Variants in RIMKLB observed in about 807,000 individuals in gnomAD.
The protein encoded by RIMKLB is beta-citrylglutamate synthase B.
RIMKLB carries 7 observed loss-of-function variants against 32.0 expected under a neutral mutation model. The observed-to-expected ratio is 0.22, with a 90% CI of 0.12 to 0.41. RIMKLB has a LOEUF of 0.41. RIMKLB is among the 10% of genes least tolerant of loss of function. RIMKLB has a pLI of 1.00. For synonymous variants in RIMKLB, 172 were observed against 185.1 expected, an observed-to-expected ratio of 0.93 and a Z score of 0.57; for missense variants, 289 against 498.7, an observed-to-expected ratio of 0.58 and a Z score of 4.00.
chr12:8,708,928 A>C (rs182052343), intron 1 of RIMKLB, among the ~76,000 whole-genome samples: 9 of 152,336 alleles, frequency 5.9e-5, no homozygotes, highest in Admixed American at 1.3e-4. Context: ...TTTTGTCAGT[A>C]GTATTTATTC....
chr12:8,740,171 G>A (rs1478047036), intron 2 of RIMKLB, among the ~76,000 whole-genome samples: 1 of 152,184 alleles, frequency 6.6e-6, no homozygotes, highest in Non-Finnish European at 1.5e-5. Context: ...CTCCCAAAGT[G>A]CTGGGATTAT....
At chr12:8,708,762 A>G in intron 1 of RIMKLB, among the ~76,000 whole-genome samples, 1 of 152,232 alleles carries the variant, frequency 6.6e-6, no homozygotes, top group African/African-American at 2.4e-5. Context: ...CAGAAGATGA[A>G]TGAAGCACTT....
chr12:8,703,890 A>G (rs1022969814), intron 1 of RIMKLB, among the ~76,000 whole-genome samples: 1 of 152,210 alleles, frequency 6.6e-6, no homozygotes, highest in Non-Finnish European at 1.5e-5. Context: ...TCAGTATGTG[A>G]ATTTATTTTC....
At position 8,775,633 on chromosome 12, in the gene RIMKLB, G is replaced by A; in HGVS notation, c.*1849G>A. ...TATTAACCAGCTATAACAGAGGTTTGATCATGCTTACTTGTACAGTTTTTC... is the reference window on the plus strand; with the variant it reads ...TATTAACCAGCTATAACAGAGGTTTAATCATGCTTACTTGTACAGTTTTTC... On this transcript the variant is annotated 3_prime_UTR_variant, in exon 6 of 6. Coordinates refer to ENST00000535829, the MANE Select transcript of RIMKLB (RefSeq NM_001297776.2). 3.0e-6 allele frequency: 3 copies of A among 985,760 alleles called. No homozygotes were observed. Among genetic ancestry groups the A allele is most frequent in the Non-Finnish European group, 3.6e-6 (3 of 829,860 alleles). The allele number at this position is 985,760 out of a possible 1,614,324, so 61.1% of individuals were successfully genotyped here.
At chr12:8,715,347 T>C (rs1944737861) in intron 2 of RIMKLB, among the ~76,000 whole-genome samples, 1 of 151,268 alleles carries the variant, frequency 6.6e-6, no homozygotes, top group South Asian at 2.1e-4. Context: ...TGCCTCAGCC[T>C]CCTGAGTAGC....
At chr12:8,688,043 T>G (rs1942629631) in intron 1 of RIMKLB, among the ~76,000 whole-genome samples, 2 of 152,184 alleles carry the variant, frequency 1.3e-5, no homozygotes, top group South Asian at 4.1e-4. Flanking sequence ...ATGCACTGCC[T>G]GTGTATGCTG....
In RIMKLB at chr12:8,745,796, G is replaced by A. The variant is rs1008824207; in HGVS notation, c.176-4066G>A. 1.3e-4 allele frequency among the ~76,000 whole-genome samples: 20 copies of A among 149,960 alleles called. 1 individual carries two copies. The highest frequency in any genetic ancestry group is 6.7e-4 in the Admixed American group (10 of 14,988). On this transcript the variant is annotated intron_variant, in intron 2 of 5. Transcript: ENST00000535829. ...TGCAACCTCTGCCTCGTAGGTACAA[G>A]TGATTCTCCTGCCTCCGCCTCTCAA...
upstream of RIMKLB, among the ~76,000 whole-genome samples, chr12:8,678,407 C>T (rs1020556420): frequency 8.6e-5 from 13 of 151,676 alleles, no homozygotes; most frequent in East Asian, 3.9e-4. Flanking sequence ...CTTGGCTCAC[C>T]GCATCCTCCG....
At chr12:8,763,709 A>G (rs950590156) in intron 5 of RIMKLB, among the ~76,000 whole-genome samples, 3 of 152,234 alleles carry the variant, frequency 2.0e-5, no homozygotes, top group Non-Finnish European at 4.4e-5. Context: ...TTGATGACAC[A>G]AGGTTTCTGA....
At chr12:8,753,195 C>G (rs1565617510) in intron 4 of RIMKLB, among the ~76,000 whole-genome samples, 1 of 152,196 alleles carries the variant, frequency 6.6e-6, no homozygotes, top group Non-Finnish European at 1.5e-5. Context: ...AGCCAAGAGT[C>G]TCAGGCCTCC....
chr12:8,730,210 C>T (rs1004255834), intron 2 of RIMKLB, among the ~76,000 whole-genome samples: 3 of 152,182 alleles, frequency 2.0e-5, no homozygotes, highest in Non-Finnish European at 4.4e-5. Context: ...CTCAGCCTCC[C>T]AGGTAGCTGA....
chr12:8,777,695 T>TA, downstream of RIMKLB: 1 of 1,287,348 alleles, frequency 7.8e-7, no homozygotes, highest in Non-Finnish European at 1.0e-6. Flanking sequence ...TATTGAGAAC[T>TA]TTCGGGGTCA....
At chr12:8,773,181 A>T in intron 5 of RIMKLB, 140 bp from the exon 6 acceptor site, 1 of 627,686 alleles carries the variant, frequency 1.6e-6, no homozygotes, top group Non-Finnish European at 2.8e-6. Flanking sequence ...ATCTAGACTT[A>T]GAAGTCCTAA....
chr12:8,684,420 G>C (rs750005141), intron 1 of RIMKLB, among the ~76,000 whole-genome samples: 19 of 151,584 alleles, frequency 1.3e-4, no homozygotes, highest in African/African-American at 4.4e-4. Flanking sequence ...TGATCCACCC[G>C]CCCCCGCCTC....
At chr12:8,683,122 T>A (rs1207913983) in intron 1 of RIMKLB, among the ~76,000 whole-genome samples, 1 of 152,204 alleles carries the variant, frequency 6.6e-6, no homozygotes, top group Non-Finnish European at 1.5e-5. Context: ...TAATATCCCA[T>A]TGTCTGAATA....
intron 3 of RIMKLB, 150 bp downstream of exon 3, chr12:8,750,242 T>G: frequency 1.9e-6 from 1 of 533,894 alleles, no homozygotes; most frequent in Non-Finnish European, 3.3e-6. Context: ...TCTTAAGATT[T>G]GTTTCATATT....
downstream of RIMKLB, among the ~76,000 whole-genome samples, chr12:8,782,167 ATTG>A (rs1214230526): frequency 4.6e-5 from 7 of 151,904 alleles, no homozygotes; most frequent in Admixed American, 2.6e-4. Flanking sequence ...TGAATCAAAA[ATTG>A]TTTTTTTCTG....
At chr12:8,712,738 G>A (rs868853387) in intron 1 of RIMKLB, among the ~76,000 whole-genome samples, 25 of 152,328 alleles carry the variant, frequency 1.6e-4, no homozygotes, top group African/African-American at 5.8e-4. Flanking sequence ...GCACTGTGGA[G>A]CAGGCCCTTC....
chr12:8,698,321 C>A, intron 1 of RIMKLB, 24 bp downstream of exon 1: 1 of 306,830 alleles, frequency 3.3e-6, no homozygotes, highest in Non-Finnish European at 6.7e-6. Context: ...CCGCTGTTGC[C>A]CTCGGGTGTA....
Sources: allele counts gnomAD v4.1 joint callset (sites outside exome capture counted in the v4.1 genomes callset), GRCh38; gene constraint gnomAD v4.1.1; transcripts MANE v1.5; gene names NCBI Gene and HGNC (gene_info 2026-07-23, HGNC 2026-07-21).